ROBO1: variants seen among roughly 807,000 people sequenced by gnomAD.
The protein encoded by ROBO1 is roundabout guidance receptor 1.
A neutral mutation model predicts 195.9 loss-of-function variants in ROBO1; 149 were observed. That is an observed-to-expected ratio of 0.76 (90% CI 0.67 to 0.87). The LOEUF is 0.87. ROBO1 is among the 40% of genes least tolerant of loss of function. The probability of loss-of-function intolerance (pLI) is 0.00; values close to 1 mark genes in which losing one functional copy is unlikely to be tolerated. For synonymous variants in ROBO1, 816 were observed against 733.2 expected, an observed-to-expected ratio of 1.11 and a Z score of -1.82; for missense variants, 1,933 against 2,068.3, an observed-to-expected ratio of 0.93 and a Z score of 1.27.
intron 2 of ROBO1, among the ~76,000 whole-genome samples, chr3:79,524,872 C>T (rs1217011546): frequency 6.6e-6 from 1 of 151,738 alleles, no homozygotes; most frequent in Admixed American, 6.6e-5. Flanking sequence ...TTTCTCTGGT[C>T]CTAGAAATAA....
At chr3:78,606,319 T>A (rs577268313) in intron 29 of ROBO1, among the ~76,000 whole-genome samples, 1 of 152,326 alleles carries the variant, frequency 6.6e-6, no homozygotes, top group Non-Finnish European at 1.5e-5. Flanking sequence ...ACTAGAGGCA[T>A]GTGCCAATAT....
At chr3:78,641,093 G>T (rs992846206) in intron 21 of ROBO1, among the ~76,000 whole-genome samples, 8 of 151,568 alleles carry the variant, frequency 5.3e-5, no homozygotes, top group African/African-American at 2.0e-4. Context: ...CTTATAATGT[G>T]TGAGGCATTG....
In ROBO1 at chr3:78,646,282, T is replaced by A. The variant is rs1706286605; in HGVS notation, c.2840-92A>T. 29 of 1,176,910 alleles carry A rather than the reference T, an allele frequency of 2.5e-5. No individual in the cohort carries two copies. In the East Asian group the frequency reaches 7.1e-4, roughly 29 times the overall value. The allele number at this position is 1,176,910 out of a possible 1,614,324, so 72.9% of individuals were successfully genotyped here. ...TCATGAGCTTCTTTCTAAAATGGAATTCCTTCTGTCTTCCTAGACAGAAGC... is the reference window on the plus strand; with the variant it reads ...TCATGAGCTTCTTTCTAAAATGGAAATCCTTCTGTCTTCCTAGACAGAAGC... On this transcript the variant is annotated intron_variant, in intron 20 of 30. Transcript: ENST00000464233.
At position 79,666,495 on chromosome 3, in the gene ROBO1, G is replaced by A. The variant is rs111489334; in HGVS notation, c.-50-76534C>T. Among the ~76,000 whole-genome samples the A allele has an allele frequency of 7.4e-3, 1,126 of 151,868 alleles. 13 individuals carry two copies. Among genetic ancestry groups the A allele is most frequent in the African/African-American group, 0.026 (1,064 of 41,456 alleles). On this transcript the variant is annotated intron_variant, in intron 1 of 30. Transcript: ENST00000464233. ...GAATTGTAGCTCCCATAATTCCCAC[G>A]TGTTGTAGGAGGGACCCAGTGGAGA...
intron 2 of ROBO1, among the ~76,000 whole-genome samples, chr3:79,411,947 C>T (rs2037785470): frequency 6.6e-6 from 1 of 151,962 alleles, no homozygotes; most frequent in Non-Finnish European, 1.5e-5. Flanking sequence ...CCACCTTGAC[C>T]CAGCTTTCGT....
intron 3 of ROBO1, among the ~76,000 whole-genome samples, chr3:78,942,604 AT>A (rs1433486994): frequency 2.0e-5 from 3 of 152,216 alleles, no homozygotes; most frequent in Non-Finnish European, 2.9e-5. Flanking sequence ...GACATGAAGA[AT>A]TTGGGATACT....
Position 78,746,725 on chromosome 3 carries a change from G to A in ROBO1, c.657+18C>T. Reference sequence around the variant, plus strand: ...GTTAGACCAACAAATGTCCTCTGCTGTTGAATTAAATACTCACAGTTATTC... The same window carrying A: ...GTTAGACCAACAAATGTCCTCTGCTATTGAATTAAATACTCACAGTTATTC... On this transcript the variant is annotated intron_variant, in intron 5 of 30. Transcript: ENST00000464233. 2 of 1,455,396 alleles carry A rather than the reference G, an allele frequency of 1.4e-6. No individual in the cohort carries two copies. Among genetic ancestry groups the A allele is most frequent in the Non-Finnish European group, 9.2e-7 (1 of 1,086,952 alleles). 90.2% of individuals were successfully genotyped at this position (1,455,396 alleles called of 1,614,324 possible). A position where few individuals can be genotyped will look rare whatever the true frequency, so the allele number is the denominator to read the frequency against.
intron 3 of ROBO1, among the ~76,000 whole-genome samples, chr3:79,009,466 G>A (rs754738422): frequency 6.6e-6 from 1 of 152,022 alleles, no homozygotes; most frequent in Non-Finnish European, 1.5e-5. Flanking sequence ...AAATAACTTT[G>A]GAAGACCACT....
At chr3:79,745,892 G>A (rs1703855000) in intron 1 of ROBO1, among the ~76,000 whole-genome samples, 1 of 151,690 alleles carries the variant, frequency 6.6e-6, no homozygotes. Flanking sequence ...TCTTAATTAT[G>A]AACCCCTGCT....
At chr3:79,470,442 G>A in intron 2 of ROBO1, among the ~76,000 whole-genome samples, 1 of 152,258 alleles carries the variant, frequency 6.6e-6, no homozygotes, top group African/African-American at 2.4e-5. Flanking sequence ...GATAGCATTA[G>A]GAGATATACC....
chr3:79,450,723 T>C (rs570222381), intron 2 of ROBO1, among the ~76,000 whole-genome samples: 1 of 152,094 alleles, frequency 6.6e-6, no homozygotes, highest in Non-Finnish European at 1.5e-5. Context: ...CTAAAAATGC[T>C]TGAAAAACTA....
chr3:79,555,936 G>A (rs1165650378), intron 2 of ROBO1, among the ~76,000 whole-genome samples: 6 of 152,154 alleles, frequency 3.9e-5, no homozygotes, highest in Non-Finnish European at 4.4e-5. Context: ...AGTGTGCCAC[G>A]CATGCTTATG....
chr3:78,760,475 T>C (rs2083069718), intron 4 of ROBO1, among the ~76,000 whole-genome samples: 1 of 152,122 alleles, frequency 6.6e-6, no homozygotes, highest in African/African-American at 2.4e-5. Flanking sequence ...ACTAATTTAG[T>C]CATCAGCCTC....
At chr3:79,633,684 G>A (rs57384089) in intron 1 of ROBO1, among the ~76,000 whole-genome samples, 85,574 of 151,512 alleles carry the variant, frequency 0.56, 25,810 homozygotes, top group East Asian at 0.89. Context: ...ATTCCTTGTT[G>A]TTCTTCAAGA....
chr3:79,230,093 A>G (rs1392685031), intron 2 of ROBO1, among the ~76,000 whole-genome samples: 1 of 152,028 alleles, frequency 6.6e-6, no homozygotes, highest in African/African-American at 2.4e-5. Context: ...GCAAAATGGC[A>G]TGTTCATTTT....
intron 2 of ROBO1, among the ~76,000 whole-genome samples, chr3:79,292,771 G>A (rs985144216): frequency 3.9e-5 from 6 of 152,122 alleles, no homozygotes; most frequent in East Asian, 1.9e-4. Flanking sequence ...TGCTGGATTC[G>A]GTTTGCCAGT....
chr3:78,689,296 A>T (rs2081118139), intron 8 of ROBO1, among the ~76,000 whole-genome samples: 1 of 152,228 alleles, frequency 6.6e-6, no homozygotes, highest in African/African-American at 2.4e-5. Flanking sequence ...TCTTTCATTT[A>T]CATAGGCAAG....
At chr3:79,143,112 A>G (rs2080562846) in intron 2 of ROBO1, among the ~76,000 whole-genome samples, 1 of 152,122 alleles carries the variant, frequency 6.6e-6, no homozygotes, top group African/African-American at 2.4e-5. Context: ...TAAATAAATC[A>G]AACACCTAAG....
At chr3:78,663,630 C>T (rs1707560339) in intron 14 of ROBO1, among the ~76,000 whole-genome samples, 1 of 152,166 alleles carries the variant, frequency 6.6e-6, no homozygotes, top group Non-Finnish European at 1.5e-5. Context: ...CACTATTCTT[C>T]AGTTTCCTTA....
Sources: allele counts gnomAD v4.1 joint callset (sites outside exome capture counted in the v4.1 genomes callset), GRCh38; gene constraint gnomAD v4.1.1; transcripts MANE v1.5; gene names NCBI Gene and HGNC (gene_info 2026-07-23, HGNC 2026-07-21).